CCSAP: variants seen among roughly 807,000 people sequenced by gnomAD.
The protein encoded by CCSAP is centriole, cilia and spindle associated protein.
Under a neutral mutation model 25.9 loss-of-function variants are expected in CCSAP, and 17 were observed. The ratio of observed to expected loss-of-function variants is 0.66; its 90% CI spans 0.45 to 0.99. The LOEUF (loss-of-function observed/expected upper bound fraction) is 0.99, where lower values mean the gene tolerates loss of function less well. CCSAP is among the 50% of genes least tolerant of loss of function. CCSAP has a pLI of 0.00. For synonymous variants in CCSAP, 169 were observed against 157.1 expected (o/e 1.08, Z -0.57); for missense variants, 339 against 367.8 (o/e 0.92, Z 0.64).
intron 2 of CCSAP, among the ~76,000 whole-genome samples, chr1:229,335,615 A>T (rs772485019): frequency 1.2e-4 from 19 of 152,344 alleles, no homozygotes; most frequent in Middle Eastern, 3.4e-3. Flanking sequence ...GATAAAAGAG[A>T]AAAAGCAACG....
At position 229,342,391 on chromosome 1, in the gene CCSAP, C is replaced by A. The variant is rs748894195; in HGVS notation, c.75G>T (p.Pro25=). The change falls in exon 2 of 4, where the codon CCG becomes CCT. Residue 25 remains proline (P), a synonymous_variant. Transcript: ENST00000284617. The surrounding 1 kb of genome is among the most constrained non-coding windows in gnomAD (Gnocchi z 7.5). ...GGTAGTGCAGCAGCTCGCGGTAGCA[C>A]GGCCCGTACTCCTCCCAGCGCGGCT... ...YQEPRWEEYG[P]CYRELLHYRL... The A allele has an allele frequency of 2.0e-6, 3 of 1,498,138 alleles. No individual in the cohort carries two copies. Among genetic ancestry groups the A allele is most frequent in the Non-Finnish European group, 2.7e-6 (3 of 1,121,146 alleles). 92.8% of individuals were successfully genotyped at this position (1,498,138 alleles called of 1,614,324 possible). A position where few individuals can be genotyped will look rare whatever the true frequency, so the allele number is the denominator to read the frequency against.
intron 2 of CCSAP, among the ~76,000 whole-genome samples, chr1:229,332,374 G>C (rs759353192): frequency 9.2e-5 from 14 of 152,170 alleles, no homozygotes; most frequent in Non-Finnish European, 1.8e-4. Flanking sequence ...GACAGTGTCG[G>C]AACTGATTGC....
In CCSAP at chr1:229,322,654, CCTAA is replaced by C. The variant is rs1235195302; in HGVS notation, c.*2577_*2580del. 9.2e-5 allele frequency: 14 copies of C among 152,140 alleles called. No homozygotes were observed. Among genetic ancestry groups the C allele is most frequent in the Non-Finnish European group, 1.8e-4 (12 of 68,012 alleles). 9.4% of individuals were successfully genotyped at this position (152,140 alleles called of 1,614,324 possible). On this transcript the variant is annotated 3_prime_UTR_variant, in exon 4 of 4. Coordinates refer to ENST00000284617, the MANE Select transcript of CCSAP (RefSeq NM_145257.5). The stretch of plus-strand genomic sequence containing the variant: ...AGAGGTGCCAAGTATTTTAACATCT[CCTAA>C]CTAAGGGCAGTTAAAAGACAAAGAA...
chr1:229,328,546 A>G (rs941123850), intron 2 of CCSAP, among the ~76,000 whole-genome samples: 6 of 152,166 alleles, frequency 3.9e-5, no homozygotes, highest in Admixed American at 2.0e-4. Flanking sequence ...GCCTCAAACA[A>G]TCCTCCTGCC....
intron 2 of CCSAP, chr1:229,340,360 A>G (rs1016796101): frequency 1.8e-5 from 13 of 714,570 alleles, no homozygotes; most frequent in South Asian, 4.5e-5. Flanking sequence ...AGAGGACGCT[A>G]TATTTAAGGA....
At chr1:229,325,538 T>C in intron 3 of CCSAP, 127 bp from the exon 4 acceptor site, 1 of 719,126 alleles carries the variant, frequency 1.4e-6, no homozygotes, top group Non-Finnish European at 2.2e-6. Context: ...CCTGCCTCTC[T>C]ATATAGTTCT....
chr1:229,338,154 G>C (rs1050914473), intron 2 of CCSAP, among the ~76,000 whole-genome samples: 3 of 152,142 alleles, frequency 2.0e-5, no homozygotes, highest in Non-Finnish European at 4.4e-5. Context: ...GTGTCTGGGG[G>C]TAGAATAGGG....
intron 2 of CCSAP, among the ~76,000 whole-genome samples, chr1:229,333,605 C>T (rs1319413022): frequency 2.6e-5 from 4 of 151,988 alleles, no homozygotes; most frequent in Non-Finnish European, 5.9e-5. Flanking sequence ...GAAGGCCAGG[C>T]GCAGTGGCTC....
In CCSAP at chr1:229,323,958, C is replaced by A. The variant is rs1413208645; in HGVS notation, c.*1277G>T. 6.6e-6 allele frequency: 1 copy of A among 152,530 alleles called. No individual in the cohort carries two copies. Among genetic ancestry groups the A allele is most frequent in the South Asian group, 2.1e-4 (1 of 4,830 alleles). 9.4% of individuals were successfully genotyped at this position (152,530 alleles called of 1,614,324 possible). ...ACATATCCTTCTAGCAGATTCTTGTCTCCACAGGATGGAGAAGACATCATT... is the reference window on the plus strand; with the variant it reads ...ACATATCCTTCTAGCAGATTCTTGTATCCACAGGATGGAGAAGACATCATT... On this transcript the variant is annotated 3_prime_UTR_variant, in exon 4 of 4. Transcript: ENST00000284617.
intron 2 of CCSAP, among the ~76,000 whole-genome samples, chr1:229,339,243 C>T (rs979906893): frequency 6.6e-6 from 1 of 151,916 alleles, no homozygotes. Context: ...ACATAAAGGC[C>T]AAAGAGAAGA....
At position 229,342,994 on chromosome 1, in the gene CCSAP, C is replaced by G. The variant is rs1658380319; in HGVS notation, c.-131G>C. On this transcript the variant is annotated 5_prime_UTR_variant, in exon 1 of 4. Coordinates refer to ENST00000284617, the MANE Select transcript of CCSAP (RefSeq NM_145257.5). The surrounding 1 kb of genome is among the most constrained non-coding windows in gnomAD (Gnocchi z 7.5). ...CAGCAGCTAAAGCGCAGCTCGCTCT[C>G]CCGCGCGCTTTCCTCCTGAGCAAGA... 1 of 152,384 alleles carries G rather than the reference C, an allele frequency of 6.6e-6. No homozygotes were observed. Among genetic ancestry groups the G allele is most frequent in the South Asian group, 2.1e-4 (1 of 4,836 alleles). The allele number at this position is 152,384 out of a possible 1,614,324, so 9.4% of individuals were successfully genotyped here. A position where few individuals can be genotyped will look rare whatever the true frequency, so the allele number is the denominator to read the frequency against.
Position 229,322,716 on chromosome 1 carries a change from T to G in CCSAP, c.*2519A>C, listed in dbSNP as rs951115970. The stretch of plus-strand genomic sequence containing the variant: ...CTGTTCACTTCTCCTCCCGCGGACT[T>G]AATGTCCAGCAGAGTGCTAGACAAT... On this transcript the variant is annotated 3_prime_UTR_variant, in exon 4 of 4. Coordinates refer to ENST00000284617, the MANE Select transcript of CCSAP (RefSeq NM_145257.5). 3 of 152,188 alleles carry G rather than the reference T, an allele frequency of 2.0e-5. No individual in the cohort carries two copies. Among genetic ancestry groups the G allele is most frequent in the African/African-American group, 7.2e-5 (3 of 41,450 alleles). The allele number at this position is 152,188 out of a possible 1,614,324, so 9.4% of individuals were successfully genotyped here. A position where few individuals can be genotyped will look rare whatever the true frequency, so the allele number is the denominator to read the frequency against.
chr1:229,332,119 A>G (rs1050570581), intron 2 of CCSAP, among the ~76,000 whole-genome samples: 2 of 152,212 alleles, frequency 1.3e-5, no homozygotes, highest in African/African-American at 4.8e-5. Flanking sequence ...CTGGGATTAC[A>G]GGCGTGAGCC....
At position 229,326,752 on chromosome 1, in the gene CCSAP, C is replaced by T; in HGVS notation, c.622G>A (p.Ala208Thr). The change falls in exon 3 of 4, where the codon GCT becomes ACT. Residue 208 changes from alanine to threonine, a missense_variant. Physicochemically the swap from Ala to Thr is moderately conservative, Grantham distance 58. Transcript: ENST00000284617. ...CCAGAGCGCACCTCGTGCACAGGAGCGGACGCACAGACGTTGTGAGTCTTC... is the reference window on the plus strand; with the variant it reads ...CCAGAGCGCACCTCGTGCACAGGAGTGGACGCACAGACGTTGTGAGTCTTC... ...SQKTHNVCAS[A>T]PVHEIHESAL... The T allele has an allele frequency of 1.2e-6, 2 of 1,614,188 alleles. No homozygotes were observed. The highest frequency in any genetic ancestry group is 1.7e-6 in the Non-Finnish European group (2 of 1,180,026).
chr1:229,342,366 G>A lies in CCSAP; in HGVS notation c.100C>T (p.Arg34Cys). The change falls in exon 2 of 4, where the codon CGC becomes TGC. Residue 34 changes from arginine to cysteine, a missense_variant. Physicochemically the swap from Arg to Cys is radical, Grantham distance 180. Coordinates refer to ENST00000284617, the MANE Select transcript of CCSAP (RefSeq NM_145257.5). The surrounding 1 kb of genome is among the most constrained non-coding windows in gnomAD (Gnocchi z 7.5). ...GPCYRELLHY[R>C]LGRRLLEQAH... Reference sequence around the variant, plus strand: ...TGCTCCAGCAGCCGGCGGCCTAGGCGGTAGTGCAGCAGCTCGCGGTAGCAC... The same window carrying A: ...TGCTCCAGCAGCCGGCGGCCTAGGCAGTAGTGCAGCAGCTCGCGGTAGCAC... 1 of 1,510,438 alleles carries A rather than the reference G, an allele frequency of 6.6e-7. No individual in the cohort carries two copies. The highest frequency in any genetic ancestry group is 8.9e-7 in the Non-Finnish European group (1 of 1,128,512). 93.6% of individuals were successfully genotyped at this position (1,510,438 alleles called of 1,614,324 possible).
intron 2 of CCSAP, among the ~76,000 whole-genome samples, chr1:229,331,221 C>T (rs982684651): frequency 5.3e-5 from 8 of 151,752 alleles, no homozygotes; most frequent in African/African-American, 1.7e-4. Flanking sequence ...TAAAGATAAC[C>T]GGCACACAGG....
intron 2 of CCSAP, among the ~76,000 whole-genome samples, chr1:229,330,670 G>A (rs1285131687): frequency 6.6e-6 from 1 of 151,924 alleles, no homozygotes; most frequent in Non-Finnish European, 1.5e-5. Context: ...GTGAAACCTC[G>A]TCTCTAGTAA....
At chr1:229,337,719 G>GTATGTA (rs1558252407) in intron 2 of CCSAP, among the ~76,000 whole-genome samples, 15 of 91,854 alleles carry the variant, frequency 1.6e-4, no homozygotes, top group East Asian at 7.9e-4. Context: ...ATATATATAT[G>GTATGTA]TATATATATA....
intron 2 of CCSAP, among the ~76,000 whole-genome samples, chr1:229,333,396 G>A (rs986382038): frequency 1.5e-5 from 2 of 132,328 alleles, no homozygotes; most frequent in Non-Finnish European, 3.1e-5. Context: ...TCGCGCCACT[G>A]CACTCCAGCC....
Sources: allele counts gnomAD v4.1 joint callset (sites outside exome capture counted in the v4.1 genomes callset), GRCh38; gene constraint gnomAD v4.1.1; non-coding constraint Gnocchi (gnomAD v3.1); transcripts MANE v1.5; gene names NCBI Gene and HGNC (gene_info 2026-07-23, HGNC 2026-07-21).